The following OSBPL1A variants were observed in gnomAD, a reference collection of about 807,000 sequenced individuals.
The protein encoded by OSBPL1A is oxysterol-binding protein-related protein 1.
In OSBPL1A, 80 loss-of-function variants were observed where a neutral mutation model predicts 137.1. The ratio of observed to expected loss-of-function variants is 0.58; its 90% CI spans 0.49 to 0.70. The LOEUF is 0.70. OSBPL1A is among the 30% of genes least tolerant of loss of function. The probability of loss-of-function intolerance (pLI) is 0.00; values close to 1 mark genes in which losing one functional copy is unlikely to be tolerated. For missense variants in OSBPL1A, 970 were observed against 1,129.4 expected (o/e 0.86, Z 2.02); for synonymous variants, 365 against 389.7 (o/e 0.94, Z 0.75).
intron 15 of OSBPL1A, among the ~76,000 whole-genome samples, chr18:24,276,297 A>T (rs1021330562): frequency 6.6e-6 from 1 of 152,196 alleles, no homozygotes; most frequent in African/African-American, 2.4e-5. Context: ...GGCTAAGAAA[A>T]GACCCAGCAC....
chr18:24,268,798 T>A (rs1219360564), intron 15 of OSBPL1A, among the ~76,000 whole-genome samples: 1 of 152,230 alleles, frequency 6.6e-6, no homozygotes, highest in Non-Finnish European at 1.5e-5. Context: ...CTAGGTAACA[T>A]TATTCGTTCC....
intron 4 of OSBPL1A, among the ~76,000 whole-genome samples, chr18:24,353,362 A>T (rs1201319180): frequency 1.3e-5 from 2 of 152,236 alleles, no homozygotes; most frequent in African/African-American, 2.4e-5. Flanking sequence ...TCAAAACCAC[A>T]ATGAGATACC....
chr18:24,198,897 A>G (rs899831657), intron 17 of OSBPL1A, among the ~76,000 whole-genome samples: 3 of 145,304 alleles, frequency 2.1e-5, no homozygotes, highest in Non-Finnish European at 3.0e-5. Context: ...ACACTCTGTT[A>G]CCCAGGCTGG....
chr18:24,260,794 T>C (rs888100385), intron 15 of OSBPL1A, among the ~76,000 whole-genome samples: 7 of 149,844 alleles, frequency 4.7e-5, no homozygotes, highest in Non-Finnish European at 1.5e-5. Flanking sequence ...AATTTTATGT[T>C]ATGTGAATTC....
intron 21 of OSBPL1A, among the ~76,000 whole-genome samples, chr18:24,175,980 T>C (rs1395001197): frequency 6.6e-6 from 1 of 152,210 alleles, no homozygotes; most frequent in Non-Finnish European, 1.5e-5. Flanking sequence ...TGGATTCCCT[T>C]CCCCGTCGCA....
At chr18:24,283,264 C>CAAAAAAAAAAA (rs67218844) in intron 14 of OSBPL1A, among the ~76,000 whole-genome samples, 1 of 30,728 alleles carries the variant, frequency 3.3e-5, no homozygotes, top group Non-Finnish European at 6.0e-5. Context: ...GACTCCATCT[C>CAAAAAAAAAAA]AAAAAAAAAA....
chr18:24,278,085 A>G (rs1274850249), intron 15 of OSBPL1A, among the ~76,000 whole-genome samples: 1 of 152,190 alleles, frequency 6.6e-6, no homozygotes, highest in African/African-American at 2.4e-5. Context: ...GTTGGAGAAA[A>G]GTTAGAGAAA....
intron 27 of OSBPL1A, among the ~76,000 whole-genome samples, chr18:24,164,708 G>A (rs1356288918): frequency 6.6e-6 from 1 of 151,992 alleles, no homozygotes; most frequent in Non-Finnish European, 1.5e-5. Context: ...GATTACAGAC[G>A]TGAGCCACTG....
At chr18:24,364,400 C>T (rs1485958843) in intron 4 of OSBPL1A, among the ~76,000 whole-genome samples, 1 of 152,088 alleles carries the variant, frequency 6.6e-6, no homozygotes, top group African/African-American at 2.4e-5. Flanking sequence ...GTAATGGAGC[C>T]CACTGCTGCT....
In OSBPL1A at chr18:24,271,808, G is replaced by A; in HGVS notation, c.1281+9034C>T. Reference sequence around the variant, plus strand: ...GTCACCTTTGCGCAGCCTGCCCCTGGCTCCGGCCGGGCAGCAGCGCCAGCC... The same window carrying A: ...GTCACCTTTGCGCAGCCTGCCCCTGACTCCGGCCGGGCAGCAGCGCCAGCC... On this transcript the variant is annotated intron_variant, in intron 15 of 27. Coordinates refer to ENST00000319481, the MANE Select transcript of OSBPL1A (RefSeq NM_080597.4). The surrounding 1 kb of genome is among the most constrained non-coding windows in gnomAD (Gnocchi z 4.0). The A allele has an allele frequency of 1.0e-6, 1 of 985,374 alleles. No individual in the cohort carries two copies. The highest frequency in any genetic ancestry group is 1.2e-6 in the Non-Finnish European group (1 of 829,946). 61.0% of individuals were successfully genotyped at this position (985,374 alleles called of 1,614,324 possible).
chr18:24,354,239 C>T (rs1366642470), intron 4 of OSBPL1A, among the ~76,000 whole-genome samples: 1 of 152,116 alleles, frequency 6.6e-6, no homozygotes, highest in Non-Finnish European at 1.5e-5. Flanking sequence ...GGACACAGAA[C>T]TAGGATGGAG....
intron 4 of OSBPL1A, chr18:24,358,527 T>C: frequency 2.8e-6 from 2 of 702,288 alleles, no homozygotes. Flanking sequence ...ACAAATTATA[T>C]GTATATATTT....
chr18:24,362,032 A>G (rs1412384418), intron 4 of OSBPL1A, among the ~76,000 whole-genome samples: 1 of 151,938 alleles, frequency 6.6e-6, no homozygotes, highest in Non-Finnish European at 1.5e-5. Context: ...CATAGACAAA[A>G]ATAACACTAA....
At position 24,386,503 on chromosome 18, in the gene OSBPL1A, T is replaced by C. The variant is rs60178669; in HGVS notation, c.-2-8968A>G. 4.6e-3 allele frequency among the ~76,000 whole-genome samples: 697 copies of C among 152,350 alleles called. 4 individuals are homozygous for C. Among genetic ancestry groups the C allele is most frequent in the African/African-American group, 0.016 (682 of 41,586 alleles). On this transcript the variant is annotated intron_variant, in intron 1 of 27. Transcript: ENST00000319481. ...TAAAGATTTTCTGACTATGAAACTT[T>C]AGACTTAACCAAACAAGCAATACCT...
chr18:24,173,302 C>T (rs915261585), intron 21 of OSBPL1A, among the ~76,000 whole-genome samples: 3 of 152,042 alleles, frequency 2.0e-5, no homozygotes, highest in South Asian at 2.1e-4. Context: ...TTGGGTACTA[C>T]GCTTAGTACC....
chr18:24,208,624 CTTAA>C (rs1342739068), intron 17 of OSBPL1A, among the ~76,000 whole-genome samples: 2 of 152,198 alleles, frequency 1.3e-5, no homozygotes, highest in Admixed American at 1.3e-4. Context: ...GATTTACTTA[CTTAA>C]TTAAACTCTT....
chr18:24,325,139 A>G lies in OSBPL1A; in HGVS notation c.626-6330T>C, dbSNP rs918486187. On this transcript the variant is annotated intron_variant, in intron 7 of 27. Transcript: ENST00000319481. ...AAGGAATTCTTAGAATGTATAAGAA[A>G]GGCATGACAAAATAATGGAAAAGGA... 2.6e-5 allele frequency among the ~76,000 whole-genome samples: 4 copies of G among 152,186 alleles called. No individual in the cohort carries two copies. The East Asian group carries it at 7.7e-4, about 29-fold the overall frequency.
At chr18:24,218,080 G>C (rs1170260167) in intron 17 of OSBPL1A, among the ~76,000 whole-genome samples, 1 of 152,094 alleles carries the variant, frequency 6.6e-6, no homozygotes, top group Non-Finnish European at 1.5e-5. Context: ...AGAAACCAAA[G>C]GCAGTATGTA....
chr18:24,203,170 T>A (rs2145955869), intron 17 of OSBPL1A, among the ~76,000 whole-genome samples: 1 of 152,050 alleles, frequency 6.6e-6, no homozygotes, highest in East Asian at 2.0e-4. Flanking sequence ...AGAGATGGGG[T>A]TTCACCATGT....
Sources: gnomAD v4.1 joint callset for allele counts (sites outside exome capture counted in the v4.1 genomes callset) on GRCh38, gnomAD v4.1.1 for gene constraint, Gnocchi (gnomAD v3.1) non-coding constraint, MANE v1.5 for transcripts, NCBI Gene and HGNC (gene_info 2026-07-23, HGNC 2026-07-21) for gene names.